Variants in MTURN observed in about 807,000 individuals in gnomAD.
The protein encoded by MTURN is maturin.
Under a neutral mutation model 14.9 loss-of-function variants are expected in MTURN, and 7 were observed. The ratio of observed to expected loss-of-function variants is 0.47; its 90% CI spans 0.27 to 0.88. The LOEUF is 0.88. Ranked by LOEUF, MTURN falls within the 40% of genes least tolerant of loss-of-function variation. The pLI is 0.14. For synonymous variants in MTURN, 69 were observed against 72.5 expected, an observed-to-expected ratio of 0.95 and a Z score of 0.25; for missense variants, 151 against 174.1, an observed-to-expected ratio of 0.87 and a Z score of 0.75.
chr7:30,136,846 C>T (rs1583500785), intron 1 of MTURN, among the ~76,000 whole-genome samples: 1 of 152,174 alleles, frequency 6.6e-6, no homozygotes, highest in South Asian at 2.1e-4. Flanking sequence ...GGTAACGCAC[C>T]GAATAGTCCC....
At chr7:30,136,847 G>C (rs961638607) in intron 1 of MTURN, among the ~76,000 whole-genome samples, 1 of 152,244 alleles carries the variant, frequency 6.6e-6, no homozygotes, top group African/African-American at 2.4e-5. Flanking sequence ...GTAACGCACC[G>C]AATAGTCCCT....
At chr7:30,156,160 C>G (rs983432256) in intron 2 of MTURN, among the ~76,000 whole-genome samples, 1 of 152,244 alleles carries the variant, frequency 6.6e-6, no homozygotes, top group African/African-American at 2.4e-5. Flanking sequence ...CTGATCAGGC[C>G]TAGCAAATGG....
chr7:30,146,317 T>G lies in MTURN; in HGVS notation c.285+18T>G. On this transcript the variant is annotated intron_variant, in intron 2 of 2. Transcript: ENST00000324453. ...TCAGACCTGTAGGTGCCTGCTTGGC[T>G]TCTCACCACAGCTTGTTTTCTATGG... 1.2e-6 allele frequency: 2 copies of G among 1,613,380 alleles called. No homozygotes were observed. Among genetic ancestry groups the G allele is most frequent in the African/African-American group, 1.3e-5 (1 of 75,056 alleles).
At position 30,157,687 on chromosome 7, in the gene MTURN, C is replaced by CTT; in HGVS notation, c.*143_*144dup. ...CAGCATCCAAATTAAAATGAAATAC[C>CTT]TTTTTAACGACCACAAAATATCTGT... On this transcript the variant is annotated 3_prime_UTR_variant, in exon 3 of 3. Coordinates refer to ENST00000324453, the MANE Select transcript of MTURN (RefSeq NM_152793.3). 4.0e-6 allele frequency: 2 copies of CTT among 503,798 alleles called. No individual in the cohort carries two copies. Among genetic ancestry groups the CTT allele is most frequent in the Non-Finnish European group, 6.8e-6 (2 of 293,200 alleles). 31.2% of individuals were successfully genotyped at this position (503,798 alleles called of 1,614,324 possible).
intron 1 of MTURN, among the ~76,000 whole-genome samples, chr7:30,136,896 C>A (rs1381166759): frequency 6.6e-6 from 1 of 152,176 alleles, no homozygotes; most frequent in African/African-American, 2.4e-5. Context: ...GGGTTAGAGA[C>A]CTGGGGTTTC....
In MTURN at chr7:30,157,583, C is replaced by A; in HGVS notation, c.*35C>A. ...CTCCCCTGAGAAGGAGAGTGAGCCC[C>A]ACAGTAACCTAGGTGGGGTCACTGC... On this transcript the variant is annotated 3_prime_UTR_variant, in exon 3 of 3. Coordinates refer to ENST00000324453, the MANE Select transcript of MTURN (RefSeq NM_152793.3). The A allele has an allele frequency of 6.5e-7, 1 of 1,529,100 alleles. No homozygotes were observed. The highest frequency in any genetic ancestry group is 8.8e-7 in the Non-Finnish European group (1 of 1,132,696). 94.7% of individuals were successfully genotyped at this position (1,529,100 alleles called of 1,614,324 possible).
At chr7:30,157,310 G>T in intron 2 of MTURN, 128 bp from the exon 3 acceptor site, 1 of 591,618 alleles carries the variant, frequency 1.7e-6, no homozygotes, top group Non-Finnish European at 2.8e-6. Context: ...TTGTAGGGGT[G>T]GTTGACGGGG....
chr7:30,136,206 AC>A (rs1323445206), intron 1 of MTURN, among the ~76,000 whole-genome samples: 3 of 152,316 alleles, frequency 2.0e-5, no homozygotes, highest in African/African-American at 7.2e-5. Context: ...GGGACCGGGA[AC>A]TGGGACTGCG....
intron 2 of MTURN, among the ~76,000 whole-genome samples, chr7:30,152,354 A>G (rs73079743): frequency 0.13 from 19,452 of 152,070 alleles, 1,379 homozygotes; most frequent in African/African-American, 0.17. Context: ...CCAGCATCAT[A>G]ATCATGAAGA....
intron 2 of MTURN, among the ~76,000 whole-genome samples, chr7:30,147,753 T>C (rs914848681): frequency 3.9e-5 from 6 of 152,222 alleles, no homozygotes; most frequent in Admixed American, 2.6e-4. Context: ...TTGTAAGAAA[T>C]GAGATTTCAG....
At chr7:30,140,110 G>T (rs550851493) in intron 1 of MTURN, among the ~76,000 whole-genome samples, 1 of 152,134 alleles carries the variant, frequency 6.6e-6, no homozygotes, top group Non-Finnish European at 1.5e-5. Flanking sequence ...CACCAGCTGC[G>T]TTCCTTCCTT....
At chr7:30,137,805 A>G (rs529191862) in intron 1 of MTURN, 18 of 387,116 alleles carry the variant, frequency 4.6e-5, no homozygotes, top group African/African-American at 1.5e-4. Flanking sequence ...TGGAATTTCT[A>G]TTAGTTGAAG....
rs1000125907 is a variant in MTURN, at chr7:30,158,491, T to C, written c.*943T>C. On this transcript the variant is annotated 3_prime_UTR_variant, in exon 3 of 3. Coordinates refer to ENST00000324453, the MANE Select transcript of MTURN (RefSeq NM_152793.3). ...AAATATGGTAGAATCCTTCTTTACT[T>C]TTTAAGTCTTTTATTTAAAAAAAAA... The C allele has an allele frequency of 6.9e-6, 1 of 145,534 alleles. No individual in the cohort carries two copies. Among genetic ancestry groups the C allele is most frequent in the Admixed American group, 6.9e-5 (1 of 14,486 alleles). The allele number at this position is 145,534 out of a possible 1,614,324, so 9.0% of individuals were successfully genotyped here.
intron 2 of MTURN, among the ~76,000 whole-genome samples, chr7:30,148,265 TAG>T (rs1056905928): frequency 1.3e-5 from 2 of 152,168 alleles, no homozygotes; most frequent in African/African-American, 4.8e-5. Flanking sequence ...GCATTTTCAG[TAG>T]AGAGAGCAGC....
intron 1 of MTURN, chr7:30,145,790 A>T: frequency 6.7e-7 from 1 of 1,490,108 alleles, no homozygotes; most frequent in Non-Finnish European, 8.9e-7. Context: ...CCGTAGCTGA[A>T]AGCAAAGTTA....
chr7:30,135,680 C>T (rs1796941275), intron 1 of MTURN, among the ~76,000 whole-genome samples: 1 of 152,140 alleles, frequency 6.6e-6, no homozygotes, highest in African/African-American at 2.4e-5. Flanking sequence ...CGCGTCGGAC[C>T]AGCCGGGTCT....
chr7:30,135,214 G>T lies in MTURN; in HGVS notation c.78G>T (p.Glu26Asp), dbSNP rs1468321131. 2 of 1,517,720 alleles carry T rather than the reference G, an allele frequency of 1.3e-6. No homozygotes were observed. Among genetic ancestry groups the T allele is most frequent in the Non-Finnish European group, 1.8e-6 (2 of 1,131,624 alleles). The allele number at this position is 1,517,720 out of a possible 1,614,324, so 94.0% of individuals were successfully genotyped here. A position where few individuals can be genotyped will look rare whatever the true frequency, so the allele number is the denominator to read the frequency against. ...CCTTCGAGCTCATCGCCACCGAGGA[G>T]ACCGAACGCAGGATGGATTTCTACG... is the stretch of plus-strand genomic sequence containing the variant. ...NTPFELIATE[E>D]TERRMDFYAD... is the part of the protein sequence containing the mutation. Residue 26 changes from glutamate (E) to aspartate (D), a missense_variant, in exon 1 of 3, where the codon GAG (glutamate) becomes GAT (aspartate). Transcript: ENST00000324453.
chr7:30,158,267 G>C lies in MTURN; in HGVS notation c.*719G>C, dbSNP rs1797317796. On this transcript the variant is annotated 3_prime_UTR_variant, in exon 3 of 3. Transcript: ENST00000324453. ...AAGTCTATAGTGGAAAATATAGATG[G>C]GGTGAAAGATATAATGTATTGATTT... 1 of 152,524 alleles carries C rather than the reference G, an allele frequency of 6.6e-6. No homozygotes were observed. The highest frequency in any genetic ancestry group is 1.5e-5 in the Non-Finnish European group (1 of 68,030). The allele number at this position is 152,524 out of a possible 1,614,324, so 9.4% of individuals were successfully genotyped here.
At chr7:30,145,422 A>G (rs1409906896) in intron 1 of MTURN, among the ~76,000 whole-genome samples, 1 of 152,216 alleles carries the variant, frequency 6.6e-6, no homozygotes, top group South Asian at 2.1e-4. Context: ...TGAATCTGGC[A>G]GGAAGAGGTT....
Sources: allele counts gnomAD v4.1 joint callset (sites outside exome capture counted in the v4.1 genomes callset), GRCh38; gene constraint gnomAD v4.1.1; transcripts MANE v1.5; gene names NCBI Gene and HGNC (gene_info 2026-07-23, HGNC 2026-07-21).